Variants in CACNA1E observed in about 807,000 individuals in gnomAD.
CACNA1E encodes the protein voltage-dependent R-type calcium channel subunit alpha-1E.
A neutral mutation model predicts 259.2 loss-of-function variants in CACNA1E; 40 were observed. The observed-to-expected ratio is 0.15, with a 90% CI of 0.12 to 0.20. The LOEUF (loss-of-function observed/expected upper bound fraction) is 0.20, where lower values mean the gene tolerates loss of function less well. Ranked by LOEUF, CACNA1E falls within the 10% of genes least tolerant of loss-of-function variation. The pLI is 1.00. For synonymous variants in CACNA1E, 1,104 were observed against 1,138.5 expected (o/e 0.97, Z 0.61); for missense variants, 1,874 against 3,040.1 (o/e 0.62, Z 9.02).
intron 7 of CACNA1E, among the ~76,000 whole-genome samples, chr1:181,683,709 A>G (rs1208192991): frequency 6.6e-6 from 1 of 152,180 alleles, no homozygotes; most frequent in East Asian, 1.9e-4. Context: ...CTGTTTCTGC[A>G]TGAAGTCACT....
At chr1:181,651,514 G>A in intron 7 of CACNA1E, 73 bp downstream of exon 7, 2 of 1,037,262 alleles carry the variant, frequency 1.9e-6, no homozygotes, top group Non-Finnish European at 3.0e-6. Context: ...CCTGACTCAT[G>A]GCAGATTCAT....
chr1:181,781,360 T>G lies in CACNA1E; in HGVS notation c.5268-67T>G. The G allele has an allele frequency of 4.0e-6, 3 of 754,474 alleles. No individual in the cohort carries two copies. In the South Asian group the frequency reaches 4.4e-5, roughly 11 times the overall value. The allele number at this position is 754,474 out of a possible 1,614,324, so 46.7% of individuals were successfully genotyped here. ...CTGCATCCTTCTCCCCACTTCCTTCTCCTTTCCCTGCCACCCCACTGCCCC... is the reference window on the plus strand; with the variant it reads ...CTGCATCCTTCTCCCCACTTCCTTCGCCTTTCCCTGCCACCCCACTGCCCC... On this transcript the variant is annotated intron_variant, in intron 38 of 47. Coordinates refer to ENST00000367573, the MANE Select transcript of CACNA1E (RefSeq NM_001205293.3).
Position 181,708,985 on chromosome 1 carries a change from C to T in CACNA1E, c.1056-1969C>T, listed in dbSNP as rs78452810. 4.8e-3 allele frequency among the ~76,000 whole-genome samples: 733 copies of T among 152,116 alleles called. 8 individuals are homozygous for T. Among genetic ancestry groups the T allele is most frequent in the African/African-American group, 0.017 (720 of 41,498 alleles). On this transcript the variant is annotated intron_variant, in intron 7 of 47. Coordinates refer to ENST00000367573, the MANE Select transcript of CACNA1E (RefSeq NM_001205293.3). ...AGAGACAGGAGGTTGAGAGACCAGCCGGGTGCTATTGCAGTGGTCCAGGCA... is the reference window on the plus strand; with the variant it reads ...AGAGACAGGAGGTTGAGAGACCAGCTGGGTGCTATTGCAGTGGTCCAGGCA...
At chr1:181,714,771 A>G (rs142126760) in intron 8 of CACNA1E, among the ~76,000 whole-genome samples, 290 of 152,262 alleles carry the variant, frequency 1.9e-3, no homozygotes, top group African/African-American at 6.6e-3. Flanking sequence ...TGGTCAACCA[A>G]CAAAGGATGG....
chr1:181,385,298 A>T lies in CACNA1E; in HGVS notation c.-14-27835A>T, dbSNP rs115778848. ...AAGTAATAAAAATCATTTCATATAA[A>T]GCTGTTGAAAAACAGGCAGTGAATT... On this transcript the variant is annotated intron_variant, in intron 1 of 11. Coordinates refer to the CACNA1E transcript ENST00000524607. 9.6e-3 allele frequency among the ~76,000 whole-genome samples: 1,464 copies of T among 152,352 alleles called. 20 individuals carry two copies. Among genetic ancestry groups the T allele is most frequent in the African/African-American group, 0.033 (1,367 of 41,590 alleles).
intron 6 of CACNA1E, among the ~76,000 whole-genome samples, chr1:181,598,844 C>T (rs1558169128): frequency 6.6e-6 from 1 of 152,122 alleles, no homozygotes; most frequent in Non-Finnish European, 1.5e-5. Context: ...GCCCTTGCCT[C>T]CTCCATTGAC....
chr1:181,803,318 C>T lies in CACNA1E; in HGVS notation c.*4484C>T, dbSNP rs1662409329. On this transcript the variant is annotated 3_prime_UTR_variant, in exon 48 of 48. Coordinates refer to ENST00000367573, the MANE Select transcript of CACNA1E (RefSeq NM_001205293.3). ...TGGTTTGACTCCAGAAATCAGGAATCAGGTTCAGGTTTGGATAACTTCTCT... is the reference window on the plus strand; with the variant it reads ...TGGTTTGACTCCAGAAATCAGGAATTAGGTTCAGGTTTGGATAACTTCTCT... 1 of 152,318 alleles carries T rather than the reference C, an allele frequency of 6.6e-6. No individual in the cohort carries two copies. The highest frequency in any genetic ancestry group is 6.5e-5 in the Admixed American group (1 of 15,310). The allele number at this position is 152,318 out of a possible 1,614,324, so 9.4% of individuals were successfully genotyped here.
chr1:181,803,404 G>A lies in CACNA1E; in HGVS notation c.*4570G>A, dbSNP rs530659493. 3 of 152,172 alleles carry A rather than the reference G, an allele frequency of 2.0e-5. No homozygotes were observed. In the East Asian group the frequency reaches 5.8e-4, roughly 29 times the overall value. 9.4% of individuals were successfully genotyped at this position (152,172 alleles called of 1,614,324 possible). On this transcript the variant is annotated 3_prime_UTR_variant, in exon 48 of 48. Transcript: ENST00000367573. Reference sequence around the variant, plus strand: ...AAAATCCAAACAAAATTAACTCAGGGCTTGTGACCTAACCTTTGTAAGAAG... The same window carrying A: ...AAAATCCAAACAAAATTAACTCAGGACTTGTGACCTAACCTTTGTAAGAAG...
intron 2 of CACNA1E, among the ~76,000 whole-genome samples, chr1:181,458,043 C>A (rs1571915736): frequency 1.3e-5 from 2 of 152,214 alleles, no homozygotes; most frequent in Non-Finnish European, 2.9e-5. Flanking sequence ...CGGCTGGAGG[C>A]TCCTCCACTC....
chr1:181,790,307 T>TTTTTTTTTA (rs34600959), intron 43 of CACNA1E, 138 bp from the exon 44 acceptor site: 1 of 422,424 alleles, frequency 2.4e-6, no homozygotes. Context: ...TTTTTTTTTT[T>TTTTTTTTTA]AATTTCAGGA....
chr1:181,545,517 G>T (rs1196822872), intron 3 of CACNA1E, among the ~76,000 whole-genome samples: 1 of 152,132 alleles, frequency 6.6e-6, no homozygotes, highest in Non-Finnish European at 1.5e-5. Context: ...CCACACTGAG[G>T]TGGGAGATTT....
At chr1:181,595,407 ATTTAAG>A (rs1653058925) in intron 6 of CACNA1E, among the ~76,000 whole-genome samples, 5 of 152,168 alleles carry the variant, frequency 3.3e-5, no homozygotes, top group Non-Finnish European at 5.9e-5. Context: ...CCCTGCACAC[ATTTAAG>A]CTCTTGGCAG....
At chr1:181,503,486 T>G (rs1572038410) in intron 1 of CACNA1E, among the ~76,000 whole-genome samples, 1 of 152,234 alleles carries the variant, frequency 6.6e-6, no homozygotes, top group African/African-American at 2.4e-5. Flanking sequence ...CAAATGTCTT[T>G]GCTCTTTTCC....
chr1:181,718,151 A>G lies in CACNA1E; in HGVS notation c.1622A>G (p.Asn541Ser). 1 of 1,598,670 alleles carries G rather than the reference A, an allele frequency of 6.3e-7. No individual in the cohort carries two copies. Among genetic ancestry groups the G allele is most frequent in the Non-Finnish European group, 8.6e-7 (1 of 1,166,584 alleles). The change falls in exon 12 of 48, where the codon AAC becomes AGC. Residue 541 changes from asparagine (N) to serine (S), a missense_variant. Around this residue, in one of 14 missense-constraint regions of CACNA1E, gnomAD observed 102 missense variants for 279.4 expected, o/e 0.37. Transcript: ENST00000367573. ...CGCCTTTATTTTCACTCTTCATTCA[A>G]CTGCTTTGATTTTGGGGTAAGTCCT... is the stretch of plus-strand genomic sequence containing the variant. ...GPRLYFHSSFNCFDFGVTVGS... is the reference protein window; with the variant it reads ...GPRLYFHSSFSCFDFGVTVGS...
chr1:181,689,255 G>A (rs1420958258), intron 7 of CACNA1E, among the ~76,000 whole-genome samples: 3 of 152,100 alleles, frequency 2.0e-5, no homozygotes, highest in Non-Finnish European at 4.4e-5. Flanking sequence ...TCTTGTGTTA[G>A]TTTGCTGAGA....
chr1:181,368,232 AAAAAT>A (rs1232962039), intron 1 of CACNA1E, among the ~76,000 whole-genome samples: 1 of 151,974 alleles, frequency 6.6e-6, no homozygotes, highest in Non-Finnish European at 1.5e-5. Flanking sequence ...TCTGTCTAAA[AAAAAT>A]AAAATAAAAA....
intron 1 of CACNA1E, among the ~76,000 whole-genome samples, chr1:181,348,406 C>A (rs937239063): frequency 6.6e-6 from 1 of 152,110 alleles, no homozygotes; most frequent in African/African-American, 2.4e-5. Context: ...CTAGTGCATT[C>A]CCCATTTCAC....
At position 181,579,232 on chromosome 1, in the gene CACNA1E, C is replaced by G. The variant is rs1180141464; in HGVS notation, c.769+8C>G. The G allele has an allele frequency of 1.9e-6, 3 of 1,605,070 alleles. No individual in the cohort carries two copies. Among genetic ancestry groups the G allele is most frequent in the South Asian group, 1.1e-5 (1 of 89,148 alleles). On this transcript the variant is annotated splice_region_variant and intron_variant, in intron 5 of 47. Coordinates refer to ENST00000367573, the MANE Select transcript of CACNA1E (RefSeq NM_001205293.3). ...GCTTCATGAACAATTCAGGTAGGGT[C>G]GTTCTTTTCTGTCTTCTCCTTTTCC... is the stretch of plus-strand genomic sequence containing the variant.
chr1:181,396,862 T>G (rs1416201672), intron 1 of CACNA1E, among the ~76,000 whole-genome samples: 1 of 152,226 alleles, frequency 6.6e-6, no homozygotes, highest in Non-Finnish European at 1.5e-5. Flanking sequence ...ATCTTAAAAT[T>G]GGGAAAATTA....
Sources: allele counts gnomAD v4.1 joint callset (sites outside exome capture counted in the v4.1 genomes callset), GRCh38; gene constraint gnomAD v4.1.1; regional missense constraint gnomAD v4.1.1; transcripts MANE v1.5; gene names NCBI Gene and HGNC (gene_info 2026-07-23, HGNC 2026-07-21).